The following PCDHGB2 variants were observed in gnomAD, a reference collection of about 807,000 sequenced individuals.
PCDHGB2 encodes the protein protocadherin gamma-B2.
A neutral mutation model predicts 59.3 loss-of-function variants in PCDHGB2; 55 were observed. That is an observed-to-expected ratio of 0.93 (90% CI 0.75 to 1.16). PCDHGB2 has a LOEUF of 1.16. PCDHGB2 is among the 50% of genes most tolerant of loss of function. The probability of loss-of-function intolerance (pLI) is 0.00; values close to 1 mark genes in which losing one functional copy is unlikely to be tolerated. For missense variants in PCDHGB2, 1,228 were observed against 1,198.5 expected (o/e 1.02, Z -0.36); for synonymous variants, 516 against 512.0 (o/e 1.01, Z -0.11).
Position 141,487,463 on chromosome 5 carries a change from G to T in PCDHGB2, c.2422-7344G>T, listed in dbSNP as rs754798527. 1 of 1,614,136 alleles carries T rather than the reference G, an allele frequency of 6.2e-7. No homozygotes were observed. The highest frequency in any genetic ancestry group is 1.7e-5 in the Admixed American group (1 of 60,016). ...GTCAGATGACCCTATCAAGTTTGTT[G>T]ATGTGGGAGGCCACTCTCATGGCTG... On this transcript the variant is annotated intron_variant, in intron 1 of 3. Coordinates refer to ENST00000522605, the MANE Select transcript of PCDHGB2 (RefSeq NM_018923.3). The surrounding 1 kb of genome is among the most constrained non-coding windows in gnomAD (Gnocchi z 5.0).
chr5:141,414,624 G>A (rs764233527), intron 1 of PCDHGB2: 5 of 1,613,814 alleles, frequency 3.1e-6, no homozygotes, highest in African/African-American at 2.7e-5. Flanking sequence ...CGCTGGACCC[G>A]GACAGCAAAG....
intron 1 of PCDHGB2, among the ~76,000 whole-genome samples, chr5:141,448,617 T>C (rs1318664360): frequency 2.0e-5 from 3 of 152,150 alleles, no homozygotes; most frequent in Non-Finnish European, 2.9e-5. Flanking sequence ...ACTTTATATC[T>C]TCCTTTCTTC....
chr5:141,436,240 G>A (rs192988618), intron 1 of PCDHGB2, among the ~76,000 whole-genome samples: 2 of 152,200 alleles, frequency 1.3e-5, no homozygotes, highest in East Asian at 3.9e-4. Flanking sequence ...AGCTAACATG[G>A]TCTAATTATT....
intron 1 of PCDHGB2, among the ~76,000 whole-genome samples, chr5:141,362,928 G>A (rs1457664363): frequency 6.6e-6 from 1 of 152,184 alleles, no homozygotes; most frequent in Non-Finnish European, 1.5e-5. Context: ...AGTAAAGAGA[G>A]TCTTCATTTT....
chr5:141,384,112 G>T (rs372458558), intron 1 of PCDHGB2: 2 of 1,605,392 alleles, frequency 1.2e-6, no homozygotes, highest in Non-Finnish European at 1.7e-6. Flanking sequence ...TTATAGATTG[G>T]TCACAACCAA....
In PCDHGB2 at chr5:141,408,707, G is replaced by A. The variant is rs899200128; in HGVS notation, c.2421+46151G>A. On this transcript the variant is annotated intron_variant, in intron 1 of 3. Coordinates refer to ENST00000522605, the MANE Select transcript of PCDHGB2 (RefSeq NM_018923.3). ...TGATATAAACATAAACTCAATTAAAGATTATAAGATAAACTCTAATCCTTA... is the reference window on the plus strand; with the variant it reads ...TGATATAAACATAAACTCAATTAAAAATTATAAGATAAACTCTAATCCTTA... 1.9e-6 allele frequency: 3 copies of A among 1,612,764 alleles called. No homozygotes were observed. In the African/African-American group the frequency reaches 4.0e-5, roughly 22 times the overall value.
In PCDHGB2 at chr5:141,360,787, G is replaced by A. The variant is rs758998647; in HGVS notation, c.652G>A (p.Gly218Arg). 14 of 1,613,764 alleles carry A rather than the reference G, an allele frequency of 8.7e-6. No homozygotes were observed. Among genetic ancestry groups the A allele is most frequent in the African/African-American group, 1.3e-5 (1 of 74,914 alleles). The change falls in exon 1 of 4, where the codon GGA becomes AGA. Residue 218 changes from glycine (G) to arginine (R), a missense_variant. Gly to Arg is a moderately radical substitution (Grantham distance 125). Transcript: ENST00000522605. ...ATTGGTCCTCACAGCTGTGGATGGCGGAGACCCACCTCAAAGTGGCACGAC... is the reference window on the plus strand; with the variant it reads ...ATTGGTCCTCACAGCTGTGGATGGCAGAGACCCACCTCAAAGTGGCACGAC... ...HQLVLTAVDG[G>R]DPPQSGTTQI... is the part of the protein sequence containing the mutation.
At chr5:141,385,066 C>G in intron 1 of PCDHGB2, 1 of 1,614,194 alleles carries the variant, frequency 6.2e-7, no homozygotes, top group Non-Finnish European at 8.5e-7. Context: ...GCACAAGTCA[C>G]GCCTGCTGCA....
Position 141,432,632 on chromosome 5 carries a change from G to T in PCDHGB2, c.2422-62175G>T. ...CTTCTCGGTGGGTCTGCACACGGGCGAGGTGCGCACGGCGCGAGCCCTGCT... is the reference window on the plus strand; with the variant it reads ...CTTCTCGGTGGGTCTGCACACGGGCTAGGTGCGCACGGCGCGAGCCCTGCT... On this transcript the variant is annotated intron_variant, in intron 1 of 3. Transcript: ENST00000522605. This position sits in a 1 kb window ranked among gnomAD's most constrained non-coding sequence, Gnocchi z 6.0. The T allele has an allele frequency of 6.2e-7, 1 of 1,612,834 alleles. No homozygotes were observed. Among genetic ancestry groups the T allele is most frequent in the South Asian group, 1.1e-5 (1 of 90,976 alleles).
At chr5:141,435,593 G>A (rs183768133) in intron 1 of PCDHGB2, among the ~76,000 whole-genome samples, 9 of 152,112 alleles carry the variant, frequency 5.9e-5, no homozygotes, top group Admixed American at 2.6e-4. Flanking sequence ...CAGTAATATC[G>A]CCTGCTTTTT....
In PCDHGB2 at chr5:141,390,041, C is replaced by A. The variant is rs373243233; in HGVS notation, c.2421+27485C>A. On this transcript the variant is annotated intron_variant, in intron 1 of 3. Coordinates refer to ENST00000522605, the MANE Select transcript of PCDHGB2 (RefSeq NM_018923.3). ...TGCGCCTGCGACGCTCCTCCAGCCC[C>A]GCCTCCTGGAGCTGCTTCCAGCCTG... is the stretch of plus-strand genomic sequence containing the variant. The A allele has an allele frequency of 3.7e-6, 6 of 1,613,940 alleles. No homozygotes were observed. In the African/African-American group the frequency reaches 8.0e-5, roughly 22 times the overall value.
intron 1 of PCDHGB2, chr5:141,375,539 C>G (rs1771564723): frequency 1.2e-6 from 2 of 1,613,986 alleles, no homozygotes; most frequent in Non-Finnish European, 1.7e-6. Context: ...CCAGAACGCC[C>G]AAGTCTCCTA....
intron 1 of PCDHGB2, chr5:141,416,087 G>A (rs1201318552): frequency 1.2e-5 from 2 of 165,800 alleles, no homozygotes; most frequent in East Asian, 3.3e-4. Flanking sequence ...TTCCCAAGGA[G>A]AAGGGCAATA....
chr5:141,395,558 G>C (rs60237573), intron 1 of PCDHGB2: 1 of 127,872 alleles, frequency 7.8e-6, no homozygotes, highest in Non-Finnish European at 1.4e-5. Flanking sequence ...GTGTGTGTGT[G>C]TGTGTGTGTG....
chr5:141,374,118 AGCAGGTCCT>A lies in PCDHGB2; in HGVS notation c.2421+11565_2421+11573del, dbSNP rs761650555. On this transcript the variant is annotated intron_variant, in intron 1 of 3. Coordinates refer to ENST00000522605, the MANE Select transcript of PCDHGB2 (RefSeq NM_018923.3). ...CCGCAGAGGCATCCGCAGCGCAGCG[AGCAGGTCCT>A]GCTCCTCACGCTCCTGGGGACGCTG... 3.3e-5 allele frequency: 52 copies of A among 1,589,674 alleles called. 1 individual carries two copies. In the South Asian group the frequency reaches 5.5e-4, roughly 17 times the overall value.
chr5:141,365,905 G>C (rs539434078), intron 1 of PCDHGB2: 14 of 1,614,190 alleles, frequency 8.7e-6, no homozygotes, highest in Non-Finnish European at 1.1e-5. Flanking sequence ...ATGAGCAGTT[G>C]AGAGACCTAC....
intron 1 of PCDHGB2, among the ~76,000 whole-genome samples, chr5:141,455,146 A>G (rs2098814943): frequency 6.7e-6 from 1 of 149,242 alleles, no homozygotes; most frequent in South Asian, 2.1e-4. Flanking sequence ...TGTTAAATAA[A>G]TATTAGTTTG....
rs1772581943 is a variant in PCDHGB2, at chr5:141,376,341, A to G, written c.2421+13785A>G. 2 of 1,614,152 alleles carry G rather than the reference A, an allele frequency of 1.2e-6. No individual in the cohort carries two copies. The highest frequency in any genetic ancestry group is 1.7e-6 in the Non-Finnish European group (2 of 1,180,032). Reference sequence around the variant, plus strand: ...GGGGTTCGGGCTTTCCTGCAGACCTATTCCCACGAGGTCTCACTCACTGCA... The same window carrying G: ...GGGGTTCGGGCTTTCCTGCAGACCTGTTCCCACGAGGTCTCACTCACTGCA... On this transcript the variant is annotated intron_variant, in intron 1 of 3. Coordinates refer to ENST00000522605, the MANE Select transcript of PCDHGB2 (RefSeq NM_018923.3).
chr5:141,431,405 G>A lies in PCDHGB2; in HGVS notation c.2422-63402G>A, dbSNP rs2097369508. Reference sequence around the variant, plus strand: ...TCACCACCTGGTCCTTACGGCCTCCGACGGGGGCGACCCGGTGCGCACAGG... The same window carrying A: ...TCACCACCTGGTCCTTACGGCCTCCAACGGGGGCGACCCGGTGCGCACAGG... On this transcript the variant is annotated intron_variant, in intron 1 of 3. Transcript: ENST00000522605. The surrounding 1 kb of genome is among the most constrained non-coding windows in gnomAD (Gnocchi z 4.8). 1 of 1,613,614 alleles carries A rather than the reference G, an allele frequency of 6.2e-7. No individual in the cohort carries two copies.
Sources: allele counts gnomAD v4.1 joint callset (sites outside exome capture counted in the v4.1 genomes callset), GRCh38; gene constraint gnomAD v4.1.1; non-coding constraint Gnocchi (gnomAD v3.1); transcripts MANE v1.5; gene names NCBI Gene and HGNC (gene_info 2026-07-23, HGNC 2026-07-21).